The following PCDH15 variants were observed in gnomAD, a reference collection of about 807,000 sequenced individuals.
The protein encoded by PCDH15 is protocadherin-15.
In PCDH15, 129 loss-of-function variants were observed where a neutral mutation model predicts 178.5. That is an observed-to-expected ratio of 0.72 (90% CI 0.63 to 0.84). PCDH15 has a LOEUF of 0.84. Ranked by LOEUF, PCDH15 falls within the 40% of genes least tolerant of loss-of-function variation. PCDH15 has a pLI of 0.00. For missense variants in PCDH15, 2,230 were observed against 2,099.9 expected (o/e 1.06, Z -1.21); for synonymous variants, 800 against 732.0 (o/e 1.09, Z -1.50).
chr10:54,497,377 C>T (rs2137301995), intron 3 of PCDH15, among the ~76,000 whole-genome samples: 1 of 152,232 alleles, frequency 6.6e-6, no homozygotes, highest in East Asian at 1.9e-4. Flanking sequence ...ATTCTGGTGA[C>T]TATAAAACCC....
intron 2 of PCDH15, among the ~76,000 whole-genome samples, chr10:55,560,350 C>G (rs147074533): frequency 1.2e-4 from 18 of 151,970 alleles, no homozygotes; most frequent in Non-Finnish European, 2.2e-4. Flanking sequence ...GGACTTATCA[C>G]ACCCAATAAC....
chr10:54,174,717 T>TG (rs1250508272), intron 13 of PCDH15, among the ~76,000 whole-genome samples: 7 of 140,422 alleles, frequency 5.0e-5, no homozygotes, highest in African/African-American at 1.6e-4. Flanking sequence ...TTTTTTTTTT[T>TG]TTTTTTGAGA....
intron 1 of PCDH15, among the ~76,000 whole-genome samples, chr10:55,298,280 A>G (rs1338163173): frequency 6.6e-6 from 1 of 152,242 alleles, no homozygotes; most frequent in Non-Finnish European, 1.5e-5. Context: ...AATATTGATC[A>G]TTCCATGCAA....
chr10:54,743,131 T>C lies in PCDH15; in HGVS notation c.-29+57794A>G, dbSNP rs556364637. ...TTCTGATCTGGATCCAGATGATAAA[T>C]GGAATGGCAAGTGAAAATCGGGATA... On this transcript the variant is annotated intron_variant, in intron 1 of 37. Coordinates refer to ENST00000644397, the MANE Select transcript of PCDH15 (RefSeq NM_001384140.1). 1.5e-3 allele frequency among the ~76,000 whole-genome samples: 226 copies of C among 152,046 alleles called. 1 individual carries two copies. Among genetic ancestry groups the C allele is most frequent in the African/African-American group, 5.3e-3 (221 of 41,504 alleles).
At chr10:54,858,519 G>A in intron 3 of PCDH15, among the ~76,000 whole-genome samples, 1 of 152,048 alleles carries the variant, frequency 6.6e-6, no homozygotes, top group Non-Finnish European at 1.5e-5. Context: ...CTTAGCTCCA[G>A]TATATTTTTA....
chr10:54,720,129 A>T (rs187056186), intron 1 of PCDH15, among the ~76,000 whole-genome samples: 1 of 152,250 alleles, frequency 6.6e-6, no homozygotes, highest in East Asian at 1.9e-4. Flanking sequence ...TGTGGAAGAT[A>T]GTATGGTGAT....
At chr10:54,646,014 G>A (rs1428203072) in intron 2 of PCDH15, among the ~76,000 whole-genome samples, 1 of 151,952 alleles carries the variant, frequency 6.6e-6, no homozygotes, top group African/African-American at 2.4e-5. Flanking sequence ...TGATTTCTAA[G>A]CTCATGCTCT....
intron 2 of PCDH15, among the ~76,000 whole-genome samples, chr10:54,646,447 A>T (rs372489390): frequency 3.9e-5 from 6 of 152,266 alleles, no homozygotes; most frequent in African/African-American, 1.4e-4. Context: ...GTCATATGGT[A>T]AATTTAATGA....
At chr10:54,873,865 T>A (rs1466259545) in intron 3 of PCDH15, among the ~76,000 whole-genome samples, 1 of 150,174 alleles carries the variant, frequency 6.7e-6, no homozygotes, top group Non-Finnish European at 1.5e-5. Context: ...AGCTGAGTGG[T>A]CATCTGTTCA....
intron 1 of PCDH15, among the ~76,000 whole-genome samples, chr10:55,243,534 T>C (rs1035454306): frequency 2.0e-5 from 3 of 152,196 alleles, no homozygotes; most frequent in African/African-American, 7.2e-5. Context: ...ATGGTTCACA[T>C]TGATGTTTCT....
At chr10:53,909,050 A>T (rs2926400) in intron 25 of PCDH15, among the ~76,000 whole-genome samples, 16,208 of 152,210 alleles carry the variant, frequency 0.11, 1,027 homozygotes, top group African/African-American at 0.17. Context: ...TCCCCACCCA[A>T]ATCTCATCTT....
chr10:54,453,691 G>T (rs1393881439), intron 3 of PCDH15, among the ~76,000 whole-genome samples: 1 of 151,400 alleles, frequency 6.6e-6, no homozygotes, highest in Non-Finnish European at 1.5e-5. Flanking sequence ...GTGAAATTCA[G>T]ACACGGAGAC....
At chr10:54,799,925 G>A (rs1952472981) in intron 1 of PCDH15, among the ~76,000 whole-genome samples, 1 of 152,142 alleles carries the variant, frequency 6.6e-6, no homozygotes, top group African/African-American at 2.4e-5. Flanking sequence ...ACCACAGCAA[G>A]CATTTTGCGC....
chr10:55,102,827 T>G (rs949603574), intron 2 of PCDH15, among the ~76,000 whole-genome samples: 3 of 142,152 alleles, frequency 2.1e-5, no homozygotes, highest in Non-Finnish European at 4.6e-5. Flanking sequence ...TTATATATGT[T>G]ATATAATGTA....
At chr10:55,384,100 A>T (rs962072727) in intron 2 of PCDH15, among the ~76,000 whole-genome samples, 2 of 152,202 alleles carry the variant, frequency 1.3e-5, no homozygotes, top group East Asian at 3.8e-4. Flanking sequence ...TTACATTCCC[A>T]GGGAATAACT....
intron 32 of PCDH15, chr10:53,823,533 G>C (rs2076457338): frequency 1.3e-6 from 1 of 759,414 alleles, no homozygotes; most frequent in South Asian, 1.5e-5. Context: ...AGAAAGGCAG[G>C]GCAGAAAAAT....
At chr10:55,411,169 C>A (rs1038576414) in intron 2 of PCDH15, among the ~76,000 whole-genome samples, 4 of 152,032 alleles carry the variant, frequency 2.6e-5, no homozygotes, top group African/African-American at 9.7e-5. Flanking sequence ...CTAGTGGAAT[C>A]TTTCCTTTCC....
intron 2 of PCDH15, among the ~76,000 whole-genome samples, chr10:55,508,611 ATAACT>A (rs1840812322): frequency 6.6e-6 from 1 of 151,788 alleles, no homozygotes; most frequent in Non-Finnish European, 1.5e-5. Flanking sequence ...TTCTTTGAAC[ATAACT>A]TCAGATTTTA....
chr10:54,621,740 A>G (rs1026526390), intron 2 of PCDH15, among the ~76,000 whole-genome samples: 2 of 152,046 alleles, frequency 1.3e-5, no homozygotes, highest in African/African-American at 4.8e-5. Flanking sequence ...TCCTTTAGCT[A>G]GAATCACTCA....
Sources: gnomAD v4.1 joint callset for allele counts (sites outside exome capture counted in the v4.1 genomes callset) on GRCh38, gnomAD v4.1.1 for gene constraint, MANE v1.5 for transcripts, NCBI Gene and HGNC (gene_info 2026-07-23, HGNC 2026-07-21) for gene names.